POU3F3: variants seen among roughly 807,000 people sequenced by gnomAD.
POU3F3 encodes the protein POU class 3 homeobox 3.
POU3F3 carries 1 observed loss-of-function variant against 8.6 expected under a neutral mutation model. The ratio of observed to expected loss-of-function variants is 0.12; its 90% CI spans 0.04 to 0.55. POU3F3 has a LOEUF of 0.55. POU3F3 is among the 20% of genes least tolerant of loss of function. The pLI, the probability that POU3F3 is intolerant of heterozygous loss-of-function variation, is 0.91. For missense variants in POU3F3, 577 were observed against 690.7 expected, an observed-to-expected ratio of 0.84 and a Z score of 1.84; for synonymous variants, 418 against 327.4, an observed-to-expected ratio of 1.28 and a Z score of -2.99.
chr2:104,879,151 C>T, the POU3F3 span, among the ~76,000 whole-genome samples: 1 of 152,086 alleles, frequency 6.6e-6, no homozygotes, highest in Non-Finnish European at 1.5e-5. Context: ...TCAGTACACA[C>T]ACAATACACA....
At chr2:104,921,317 A>C in the POU3F3 span, among the ~76,000 whole-genome samples, 5 of 152,226 alleles carry the variant, frequency 3.3e-5, no homozygotes, top group Non-Finnish European at 7.3e-5. Flanking sequence ...GGAAGATGGC[A>C]GAGTAGGAAG....
chr2:104,877,143 C>T, the POU3F3 span, among the ~76,000 whole-genome samples: 1 of 152,092 alleles, frequency 6.6e-6, no homozygotes, highest in Non-Finnish European at 1.5e-5. Flanking sequence ...TGTTTGGGGG[C>T]GCTGGGACCC....
chr2:104,913,135 G>A, the POU3F3 span, among the ~76,000 whole-genome samples: 17 of 152,040 alleles, frequency 1.1e-4, no homozygotes, highest in Admixed American at 3.3e-4. Flanking sequence ...TCTCCAGCCC[G>A]CAGCCAGAGG....
the POU3F3 span, among the ~76,000 whole-genome samples, chr2:104,923,481 A>G: frequency 6.6e-6 from 1 of 152,116 alleles, no homozygotes; most frequent in South Asian, 2.1e-4. Flanking sequence ...TAACTTTGGG[A>G]TGTTAAGGGT....
chr2:104,867,466 ACGCAGAGC>A, the POU3F3 span: 1 of 152,326 alleles, frequency 6.6e-6, no homozygotes, highest in Non-Finnish European at 1.5e-5. The surrounding 1 kb of genome is among the most constrained non-coding windows in gnomAD (Gnocchi z 5.0). Flanking sequence ...AGCTCCCGGG[ACGCAGAGC>A]CCGCTGACTG....
the POU3F3 span, among the ~76,000 whole-genome samples, chr2:104,913,361 C>A: frequency 7.2e-5 from 11 of 152,192 alleles, no homozygotes; most frequent in African/African-American, 2.6e-4. Context: ...CCTCTGGACC[C>A]CGTTGGGACC....
chr2:104,855,688 T>G lies in POU3F3; in HGVS notation c.178T>G (p.Ser60Ala), dbSNP rs779410764. 1 of 1,187,164 alleles carries G rather than the reference T, an allele frequency of 8.4e-7. No homozygotes were observed. The highest frequency in any genetic ancestry group is 1.7e-5 in the African/African-American group (1 of 59,182). The allele number at this position is 1,187,164 out of a possible 1,614,324, so 73.5% of individuals were successfully genotyped here. A position where few individuals can be genotyped will look rare whatever the true frequency, so the allele number is the denominator to read the frequency against. Residue 60 changes from serine to alanine, a missense_variant, in exon 1 of 1, where the codon TCG (serine) becomes GCG (alanine). By Grantham distance (99) the Ser-to-Ala change is moderately conservative (BLOSUM62 1). This residue lies in a region of POU3F3 where 484 missense variants were observed against 422.6 expected (regional missense o/e 1.15). Transcript: ENST00000361360. ...GCAGCCGGGCAGCGCCGCCGTGACC[T>G]CGGGCGCCTACCGGGGGGACCCGTC... is the stretch of plus-strand genomic sequence containing the variant. ...GMQPGSAAVT[S>A]GAYRGDPSSV...
the POU3F3 span, chr2:104,867,266 G>A: frequency 1.3e-5 from 2 of 152,348 alleles, no homozygotes; most frequent in East Asian, 1.9e-4. The surrounding 1 kb of genome is among the most constrained non-coding windows in gnomAD (Gnocchi z 5.0). Flanking sequence ...GGATCTGGAA[G>A]AGGGCAGTTG....
At chr2:104,926,484 G>A in the POU3F3 span, among the ~76,000 whole-genome samples, 164 of 152,302 alleles carry the variant, frequency 1.1e-3, no homozygotes, top group African/African-American at 3.8e-3. Context: ...TGGATAAACA[G>A]GAACACTTTT....
At chr2:104,893,855 C>T in the POU3F3 span, among the ~76,000 whole-genome samples, 2 of 148,688 alleles carry the variant, frequency 1.3e-5, no homozygotes, top group Admixed American at 1.4e-4. Context: ...TGCACTCCAG[C>T]CTGGGCAACA....
the POU3F3 span, among the ~76,000 whole-genome samples, chr2:104,895,855 C>G: frequency 6.6e-6 from 1 of 152,154 alleles, no homozygotes; most frequent in Non-Finnish European, 1.5e-5. Flanking sequence ...CATAATTGAG[C>G]AAAGAAGCAT....
In POU3F3 at chr2:104,855,582, G is replaced by A; in HGVS notation, c.72G>A (p.Ser24=). Residue 24 remains serine (S), a synonymous_variant, in exon 1 of 1, where the codon TCG becomes TCA. Transcript: ENST00000361360. ...TCGCGGCCGGCTCTATTGTGCACTC[G>A]GACGCGGCAGGGGCTGGCGGCGGCG... ...SLLAAGSIVH[S]DAAGAGGGGG... 2 of 1,002,980 alleles carry A rather than the reference G, an allele frequency of 2.0e-6. No homozygotes were observed. Among genetic ancestry groups the A allele is most frequent in the Non-Finnish European group, 2.4e-6 (2 of 842,918 alleles). The allele number at this position is 1,002,980 out of a possible 1,614,324, so 62.1% of individuals were successfully genotyped here.
the POU3F3 span, among the ~76,000 whole-genome samples, chr2:104,910,404 T>A: frequency 2.0e-5 from 3 of 152,210 alleles, no homozygotes; most frequent in African/African-American, 4.8e-5. Context: ...AAATGCTGTC[T>A]GAATTCTCTT....
In POU3F3 at chr2:104,855,936, A is replaced by G. The variant is rs1416842888; in HGVS notation, c.426A>G (p.Pro142=). 1.3e-5 allele frequency: 14 copies of G among 1,052,334 alleles called. No individual in the cohort carries two copies. The African/African-American group carries it at 1.8e-4, about 14-fold the overall frequency. 65.2% of individuals were successfully genotyped at this position (1,052,334 alleles called of 1,614,324 possible). Residue 142 remains proline, a synonymous_variant, in exon 1 of 1, where the codon CCA becomes CCG. Transcript: ENST00000361360. ...AGCAGCCACCGCAGCCGCCGCCGCC[A>G]CCGCCGCAGGGCCCCGACGTGAAGG... ...SPQQPPQPPP[P]PPQGPDVKGG...
At chr2:104,910,988 T>C in the POU3F3 span, among the ~76,000 whole-genome samples, 2 of 152,124 alleles carry the variant, frequency 1.3e-5, no homozygotes, top group African/African-American at 4.8e-5. Context: ...TTAAAGTATA[T>C]GGGAGGATGT....
At chr2:104,913,554 C>A in the POU3F3 span, among the ~76,000 whole-genome samples, 3 of 152,144 alleles carry the variant, frequency 2.0e-5, no homozygotes, top group Non-Finnish European at 4.4e-5. Context: ...GTGCTGAAGT[C>A]ACCACTCAGT....
chr2:104,911,532 T>C, the POU3F3 span, among the ~76,000 whole-genome samples: 21 of 148,916 alleles, frequency 1.4e-4, no homozygotes, highest in African/African-American at 5.2e-4. Flanking sequence ...GAGTGGAACA[T>C]AAGAGAAGTG....
the POU3F3 span, among the ~76,000 whole-genome samples, chr2:104,900,994 G>C: frequency 1.3e-3 from 204 of 152,276 alleles, 1 homozygote; most frequent in African/African-American, 4.7e-3. Flanking sequence ...CTTTACCTCT[G>C]TTTTCTGTGT....
the POU3F3 span, among the ~76,000 whole-genome samples, chr2:104,883,737 A>G: frequency 6.6e-6 from 1 of 152,226 alleles, no homozygotes; most frequent in Non-Finnish European, 1.5e-5. Context: ...CTGAAGTTGC[A>G]AACATCCAGA....
Sources: gnomAD v4.1 joint callset for allele counts (sites outside exome capture counted in the v4.1 genomes callset) on GRCh38, gnomAD v4.1.1 for gene constraint, gnomAD v4.1.1 regional missense constraint, Gnocchi (gnomAD v3.1) non-coding constraint, MANE v1.5 for transcripts, NCBI Gene and HGNC (gene_info 2026-07-23, HGNC 2026-07-21) for gene names.